The following FRMPD2 variants were observed in gnomAD, a reference collection of about 807,000 sequenced individuals.
The protein encoded by FRMPD2 is FERM and PDZ domain containing 2.
A neutral mutation model predicts 140.1 loss-of-function variants in FRMPD2; 96 were observed. That is an observed-to-expected ratio of 0.69 (90% confidence interval 0.58 to 0.81). The LOEUF is 0.81. FRMPD2 is among the 40% of genes least tolerant of loss of function. The pLI is 0.00. For synonymous variants in FRMPD2, 449 were observed against 547.6 expected (o/e 0.82, Z 2.52); for missense variants, 1,240 against 1,447.4 (o/e 0.86, Z 2.32).
At chr10:48,229,970 AAAG>A in intron 10 of FRMPD2, among the ~76,000 whole-genome samples, 1 of 152,190 alleles carries the variant, frequency 6.6e-6, no homozygotes, top group Admixed American at 6.5e-5. Flanking sequence ...CCAGGACACT[AAAG>A]AAGAAACAGA....
chr10:48,223,514 G>T (rs903327367), intron 10 of FRMPD2, among the ~76,000 whole-genome samples: 1 of 152,120 alleles, frequency 6.6e-6, no homozygotes, highest in African/African-American at 2.4e-5. Context: ...AGAAAATACC[G>T]TTAGTTATCT....
At chr10:48,267,013 G>C (rs961941366) in intron 1 of FRMPD2, among the ~76,000 whole-genome samples, 3 of 152,196 alleles carry the variant, frequency 2.0e-5, no homozygotes, top group African/African-American at 7.2e-5. Flanking sequence ...GACTGAGTGG[G>C]GGGTCTAGAC....
At chr10:48,186,565 G>T (rs1838691211) in intron 17 of FRMPD2, among the ~76,000 whole-genome samples, 1 of 151,990 alleles carries the variant, frequency 6.6e-6, no homozygotes, top group South Asian at 2.1e-4. Flanking sequence ...TTTTTCTCTT[G>T]CTGCCATCAT....
intron 1 of FRMPD2, among the ~76,000 whole-genome samples, chr10:48,253,349 A>G (rs879793142): frequency 4.6e-5 from 7 of 152,236 alleles, no homozygotes; most frequent in Non-Finnish European, 7.3e-5. Flanking sequence ...ATAAACTTTC[A>G]TGGAGGAAAA....
At position 48,239,629 on chromosome 10, in the gene FRMPD2, CTG is replaced by C. The variant is rs1304034972; in HGVS notation, c.762_763del (p.His254GlnfsTer8). On this transcript the variant is annotated frameshift_variant, in exon 7 of 29. Coordinates refer to ENST00000374201, the MANE Select transcript of FRMPD2 (RefSeq NM_001018071.4). LOFTEE classifies it high-confidence loss of function. ...CCGGTTAACAAGGAGGCTGCAGTGA[CTG>C]TGTGTCAAGGTGCTCCAATGGGGCT... is the stretch of plus-strand genomic sequence containing the variant. 6.2e-7 allele frequency: 1 copy of C among 1,614,134 alleles called. No individual in the cohort carries two copies.
chr10:48,174,072 T>G (rs1438932382), intron 24 of FRMPD2, among the ~76,000 whole-genome samples: 7 of 152,184 alleles, frequency 4.6e-5, no homozygotes, highest in African/African-American at 7.2e-5. Flanking sequence ...TCAACCAAAG[T>G]CACTAATATA....
chr10:48,205,936 G>C (rs1323719429), intron 14 of FRMPD2, among the ~76,000 whole-genome samples: 3 of 152,182 alleles, frequency 2.0e-5, no homozygotes, highest in African/African-American at 7.2e-5. Context: ...GATACAAATA[G>C]TGATGTAATT....
intron 1 of FRMPD2, among the ~76,000 whole-genome samples, chr10:48,261,382 C>A: frequency 6.6e-6 from 1 of 151,216 alleles, no homozygotes. Flanking sequence ...ATTAATATTC[C>A]CCAGCAAAAA....
chr10:48,256,860 T>C (rs186857383), intron 1 of FRMPD2, among the ~76,000 whole-genome samples: 1 of 152,360 alleles, frequency 6.6e-6, no homozygotes, highest in East Asian at 1.9e-4. Context: ...GTCCCTGAAA[T>C]GTTGTCCCTC....
At chr10:48,256,782 G>A (rs1840498514) in intron 1 of FRMPD2, among the ~76,000 whole-genome samples, 1 of 152,162 alleles carries the variant, frequency 6.6e-6, no homozygotes, top group African/African-American at 2.4e-5. Context: ...TCTGTCCTTG[G>A]AACACTCCTT....
At chr10:48,235,512 G>T (rs1320929055) in intron 9 of FRMPD2, among the ~76,000 whole-genome samples, 2 of 152,218 alleles carry the variant, frequency 1.3e-5, no homozygotes, top group Non-Finnish European at 2.9e-5. Flanking sequence ...GATTTTGCTG[G>T]AGTGAGCCAG....
intron 1 of FRMPD2, among the ~76,000 whole-genome samples, chr10:48,255,568 A>G (rs1390684677): frequency 6.6e-6 from 1 of 152,192 alleles, no homozygotes; most frequent in Non-Finnish European, 1.5e-5. Flanking sequence ...AATGTTAACA[A>G]CCTACCCTGA....
chr10:48,210,955 G>A (rs1839305526), intron 13 of FRMPD2, among the ~76,000 whole-genome samples: 1 of 152,230 alleles, frequency 6.6e-6, no homozygotes, highest in African/African-American at 2.4e-5. Context: ...ATCCCATCCT[G>A]GGGAAGCTGC....
At chr10:48,259,478 C>T (rs547587329) in intron 1 of FRMPD2, among the ~76,000 whole-genome samples, 45 of 152,176 alleles carry the variant, frequency 3.0e-4, no homozygotes, top group African/African-American at 9.9e-4. Context: ...AACTTTGTCT[C>T]GAACCTTTAA....
Position 48,192,842 on chromosome 10 carries a change from C to A in FRMPD2, c.2007G>T (p.Arg669=). ...TCTGAATCCAAATGAGAGGCTTAGA[C>A]CGGGCCTGGTGTGCAGGACTCAAAT... ...MANLSPAHQA[R]SKPLIWIQRL... The change falls in exon 16 of 29, where the codon CGG becomes CGT. Residue 669 remains arginine (R), a synonymous_variant. Coordinates refer to ENST00000374201, the MANE Select transcript of FRMPD2 (RefSeq NM_001018071.4). 1 of 1,614,124 alleles carries A rather than the reference C, an allele frequency of 6.2e-7. No individual in the cohort carries two copies. The highest frequency in any genetic ancestry group is 8.5e-7 in the Non-Finnish European group (1 of 1,180,018).
At position 48,223,224 on chromosome 10, in the gene FRMPD2, T is replaced by C. The variant is rs1839650197; in HGVS notation, c.1215A>G (p.Ile405Met). The C allele has an allele frequency of 6.2e-7, 1 of 1,613,910 alleles. No individual in the cohort carries two copies. Among genetic ancestry groups the C allele is most frequent in the Admixed American group, 1.7e-5 (1 of 60,000 alleles). Residue 405 changes from isoleucine to methionine, a missense_variant, in exon 11 of 29, where the codon ATA becomes ATG. Ile to Met is a conservative substitution (Grantham distance 10, BLOSUM62 1). Coordinates refer to ENST00000374201, the MANE Select transcript of FRMPD2 (RefSeq NM_001018071.4). ...GCTGCTCTCTCCAGCCTTCAGGAGC[T>C]ATTTTGCACAATCTGGTTTCACTGT... Reference protein sequence around the residue: ...FLDSETRLCKIAPEGWREQPQ... With the variant: ...FLDSETRLCKMAPEGWREQPQ...
chr10:48,192,924 C>T, intron 15 of FRMPD2, 30 bp from the exon 16 acceptor site: 1 of 1,497,674 alleles, frequency 6.7e-7, no homozygotes, highest in Non-Finnish European at 9.3e-7. Flanking sequence ...CATAGACATA[C>T]ACACACACAA....
rs111907348 is a variant in FRMPD2 at position 48,233,477 on chromosome 10, G to A, written c.994-1188C>T. Among the ~76,000 whole-genome samples, 81 of 152,188 alleles carry A rather than the reference G, an allele frequency of 5.3e-4. 1 individual carries two copies. The highest frequency in any genetic ancestry group is 1.9e-3 in the African/African-American group (77 of 41,434). ...CGAGAGCCAGGAAGGCTGGGAGGCA[G>A]GTCTGACCCGCTTCTTTCCCTTGCA... On this transcript the variant is annotated intron_variant, in intron 9 of 28. Transcript: ENST00000374201.
chr10:48,249,477 G>C (rs1462351515), intron 2 of FRMPD2, among the ~76,000 whole-genome samples: 1 of 152,222 alleles, frequency 6.6e-6, no homozygotes, highest in African/African-American at 2.4e-5. Flanking sequence ...GCACAAGCCT[G>C]AGTTCTCTAG....
Sources: allele counts gnomAD v4.1 joint callset (sites outside exome capture counted in the v4.1 genomes callset), GRCh38; gene constraint gnomAD v4.1.1; transcripts MANE v1.5; gene names NCBI Gene and HGNC (gene_info 2026-07-23, HGNC 2026-07-21).